Variants in ZNF664 observed in about 807,000 individuals in gnomAD.
ZNF664 encodes the protein zinc finger protein 664, also known as zinc finger Organ of Corti 1.
A neutral mutation model predicts 18.2 loss-of-function variants in ZNF664; 10 were observed. The ratio of observed to expected loss-of-function variants is 0.55; its 90% CI spans 0.34 to 0.93. The LOEUF is 0.93. ZNF664 is among the 40% of genes least tolerant of loss of function. The probability of loss-of-function intolerance (pLI) is 0.02; values close to 1 mark genes in which losing one functional copy is unlikely to be tolerated. For synonymous variants in ZNF664, 119 were observed against 104.2 expected (o/e 1.14, Z -0.86); for missense variants, 193 against 319.0 (o/e 0.61, Z 3.01).
chr12:123,990,044 TA>T (rs1292849118), intron 3 of ZNF664, among the ~76,000 whole-genome samples: 1 of 152,312 alleles, frequency 6.6e-6, no homozygotes, highest in South Asian at 2.1e-4. Context: ...GACCCAGGTA[TA>T]AAAATAGCCA....
chr12:123,982,696 A>G (rs1472470936), intron 2 of ZNF664, among the ~76,000 whole-genome samples: 1 of 152,194 alleles, frequency 6.6e-6, no homozygotes, highest in Non-Finnish European at 1.5e-5. Flanking sequence ...AGCCTGGTGG[A>G]CTGGCTAGAA....
chr12:123,974,247 C>T (rs1956651805), intron 2 of ZNF664: 3 of 391,946 alleles, frequency 7.7e-6, no homozygotes, highest in Non-Finnish European at 9.0e-6. Context: ...CGAACTCTAA[C>T]AACTAAATCT....
chr12:124,013,081 T>A lies in ZNF664; in HGVS notation c.*151T>A. On this transcript the variant is annotated 3_prime_UTR_variant, in exon 5 of 5. Transcript: ENST00000337815. ...GCATATGTGAGATTGATTTGTTGGT[T>A]CATGCCAAGTGTGTTCCACAGGTTG... The A allele has an allele frequency of 9.2e-7, 1 of 1,091,040 alleles. No homozygotes were observed. The highest frequency in any genetic ancestry group is 1.3e-6 in the Non-Finnish European group (1 of 774,442). The allele number at this position is 1,091,040 out of a possible 1,614,324, so 67.6% of individuals were successfully genotyped here.
chr12:123,998,012 A>G (rs994510973), intron 3 of ZNF664, among the ~76,000 whole-genome samples: 1 of 152,144 alleles, frequency 6.6e-6, no homozygotes, highest in Non-Finnish European at 1.5e-5. Flanking sequence ...TGGATAGGGA[A>G]TGCTGGAGCC....
intron 3 of ZNF664, among the ~76,000 whole-genome samples, chr12:123,994,895 AT>A (rs747808814): frequency 2.0e-5 from 3 of 152,220 alleles, no homozygotes; most frequent in Non-Finnish European, 4.4e-5. Flanking sequence ...GAATTGTACT[AT>A]AAATTGTGAG....
Position 124,011,916 on chromosome 12 carries a change from C to G in ZNF664, c.-229C>G. On this transcript the variant is annotated 5_prime_UTR_variant, in exon 5 of 5. The change creates a premature stop within an existing upstream ORF in the 5' untranslated region. Transcript: ENST00000337815. The stretch of plus-strand genomic sequence containing the variant: ...ACAGAATTCACGTGGAAGTCAATGT[C>G]ACTTTATAATCGATAATAATACTGA... 7.5e-7 allele frequency: 1 copy of G among 1,327,156 alleles called. No individual in the cohort carries two copies. The allele number at this position is 1,327,156 out of a possible 1,614,324, so 82.2% of individuals were successfully genotyped here.
chr12:124,013,012 A>T lies in ZNF664; in HGVS notation c.*82A>T. The T allele has an allele frequency of 6.8e-7, 1 of 1,471,810 alleles. No homozygotes were observed. The highest frequency in any genetic ancestry group is 1.4e-5 in the South Asian group (1 of 72,652). The allele number at this position is 1,471,810 out of a possible 1,614,324, so 91.2% of individuals were successfully genotyped here. On this transcript the variant is annotated 3_prime_UTR_variant, in exon 5 of 5. Coordinates refer to ENST00000337815, the MANE Select transcript of ZNF664 (RefSeq NM_152437.3). Reference sequence around the variant, plus strand: ...CCCTGTATATACCTACATTGACCCAAGAAATATTTACGCAATCCCTAGCAG... The same window carrying T: ...CCCTGTATATACCTACATTGACCCATGAAATATTTACGCAATCCCTAGCAG...
chr12:123,979,487 CAAAAT>C (rs1386179748), intron 2 of ZNF664, among the ~76,000 whole-genome samples: 4 of 152,046 alleles, frequency 2.6e-5, no homozygotes, highest in Admixed American at 6.6e-5. Context: ...AGAATTTTAT[CAAAAT>C]AAAAGTACAC....
chr12:123,998,992 CTT>C (rs1956981801), intron 3 of ZNF664, among the ~76,000 whole-genome samples: 3 of 152,176 alleles, frequency 2.0e-5, no homozygotes, highest in Non-Finnish European at 4.4e-5. Flanking sequence ...ATATAGGGAT[CTT>C]TCTATAAAAC....
chr12:123,976,465 G>A (rs547344821), intron 2 of ZNF664, among the ~76,000 whole-genome samples: 2 of 152,304 alleles, frequency 1.3e-5, no homozygotes, highest in East Asian at 3.9e-4. Context: ...AGGTGAAGGG[G>A]AAGAGTGGCT....
At chr12:123,993,938 C>T (rs1243781443) in intron 3 of ZNF664, among the ~76,000 whole-genome samples, 1 of 152,198 alleles carries the variant, frequency 6.6e-6, no homozygotes, top group Non-Finnish European at 1.5e-5. Flanking sequence ...CAGATAGATG[C>T]ACAGCCCATC....
intron 3 of ZNF664, among the ~76,000 whole-genome samples, chr12:124,010,084 A>G (rs953498284): frequency 2.0e-5 from 3 of 152,024 alleles, no homozygotes; most frequent in African/African-American, 4.8e-5. Flanking sequence ...GTCATTTCCT[A>G]TTTTTACCAA....
chr12:124,014,836 G>A lies in ZNF664; in HGVS notation c.*1906G>A, dbSNP rs1957173884. 2 of 166,104 alleles carry A rather than the reference G, an allele frequency of 1.2e-5. No homozygotes were observed. Among genetic ancestry groups the A allele is most frequent in the South Asian group, 2.1e-4 (1 of 4,826 alleles). The allele number at this position is 166,104 out of a possible 1,614,324, so 10.3% of individuals were successfully genotyped here. ...GGGTGGGCCATGAAACTAGAGATGGGATTTGGGGGTGAATTTGTCAATATC... is the reference window on the plus strand; with the variant it reads ...GGGTGGGCCATGAAACTAGAGATGGAATTTGGGGGTGAATTTGTCAATATC... On this transcript the variant is annotated 3_prime_UTR_variant, in exon 5 of 5. Transcript: ENST00000337815.
At chr12:123,973,407 G>A in intron 1 of ZNF664, 55 bp downstream of exon 1, 1 of 959,384 alleles carries the variant, frequency 1.0e-6, no homozygotes, top group Non-Finnish European at 1.2e-6. Flanking sequence ...AGGGAGGCGG[G>A]GGCCGGGGGC....
intron 2 of ZNF664, among the ~76,000 whole-genome samples, chr12:123,975,571 A>G (rs1956680227): frequency 6.6e-6 from 1 of 152,080 alleles, no homozygotes. Context: ...AATGACTACA[A>G]CCATGTGCCA....
Position 123,973,220 on chromosome 12 carries a change from G to C in ZNF664, c.-1024G>C, listed in dbSNP as rs1451968345. On this transcript the variant is annotated 5_prime_UTR_variant, in exon 1 of 5. Transcript: ENST00000337815. ...GGCCTCGTGCGTGCGCACGCGCGCT[G>C]TCCCCCGGAGGCGTCTGGGTGTGCG... is the stretch of plus-strand genomic sequence containing the variant. 14 of 986,250 alleles carry C rather than the reference G, an allele frequency of 1.4e-5. No homozygotes were observed. In the African/African-American group the frequency reaches 2.3e-4, roughly 16 times the overall value. The allele number at this position is 986,250 out of a possible 1,614,324, so 61.1% of individuals were successfully genotyped here.
At chr12:123,999,638 AG>A (rs1956989041) in intron 3 of ZNF664, among the ~76,000 whole-genome samples, 1 of 152,264 alleles carries the variant, frequency 6.6e-6, no homozygotes, top group Non-Finnish European at 1.5e-5. Flanking sequence ...AGATAAAAAA[AG>A]AAAAGCTCAG....
chr12:124,003,261 AAG>A lies in ZNF664; in HGVS notation c.-660-8119_-660-8118del, dbSNP rs138151782. The stretch of plus-strand genomic sequence containing the variant: ...GGATTCCATTTGGAGAAGGCCCAGG[AAG>A]TGCACTCATGGGCACAAGTGGAAGG... On this transcript the variant is annotated intron_variant, in intron 3 of 4. Transcript: ENST00000337815. 6.5e-3 allele frequency among the ~76,000 whole-genome samples: 988 copies of A among 152,292 alleles called. 6 individuals carry two copies. The highest frequency in any genetic ancestry group is 0.022 in the African/African-American group (923 of 41,562).
intron 3 of ZNF664, chr12:124,005,750 A>G (rs1171122221): frequency 6.6e-6 from 1 of 152,500 alleles, no homozygotes; most frequent in African/African-American, 2.4e-5. Context: ...GCCCATCCCT[A>G]CAACAAGCTG....
Sources: allele counts gnomAD v4.1 joint callset (sites outside exome capture counted in the v4.1 genomes callset), GRCh38; gene constraint gnomAD v4.1.1; transcripts MANE v1.5; gene names NCBI Gene and HGNC (gene_info 2026-07-23, HGNC 2026-07-21).